Variants in SGCZ observed in about 807,000 individuals in gnomAD.
SGCZ encodes sarcoglycan zeta.
SGCZ carries 40 observed loss-of-function variants against 41.3 expected under a neutral mutation model. The ratio of observed to expected loss-of-function variants is 0.97; its 90% CI spans 0.75 to 1.26. The LOEUF (loss-of-function observed/expected upper bound fraction) is 1.26, where lower values mean the gene tolerates loss of function less well. SGCZ is among the 50% of genes most tolerant of loss of function. SGCZ has a pLI of 0.00. For synonymous variants in SGCZ, 206 were observed against 137.5 expected (o/e 1.50, Z -3.49); for missense variants, 552 against 369.8 (o/e 1.49, Z -4.04).
At chr8:14,201,630 G>A (rs1805458021) in intron 4 of SGCZ, among the ~76,000 whole-genome samples, 1 of 152,082 alleles carries the variant, frequency 6.6e-6, no homozygotes. Flanking sequence ...AAGTGTCAGG[G>A]GAGTGGATGC....
intron 4 of SGCZ, among the ~76,000 whole-genome samples, chr8:14,234,137 A>T (rs1806672785): frequency 6.6e-6 from 1 of 151,996 alleles, no homozygotes; most frequent in Non-Finnish European, 1.5e-5. Flanking sequence ...TGTCAAATTG[A>T]TTTTTCTACC....
At chr8:14,465,458 C>A (rs552035694) in intron 2 of SGCZ, among the ~76,000 whole-genome samples, 2 of 151,532 alleles carry the variant, frequency 1.3e-5, no homozygotes, top group African/African-American at 4.8e-5. Context: ...GAGGGAGTCT[C>A]CTGTACAGTT....
chr8:14,934,908 A>C (rs1800035862), intron 1 of SGCZ, among the ~76,000 whole-genome samples: 1 of 151,510 alleles, frequency 6.6e-6, no homozygotes, highest in East Asian at 1.9e-4. Flanking sequence ...AAATCATTGA[A>C]TAATCTCCCA....
chr8:14,689,371 T>C (rs1358668620), intron 1 of SGCZ, among the ~76,000 whole-genome samples: 2 of 152,162 alleles, frequency 1.3e-5, no homozygotes, highest in Non-Finnish European at 2.9e-5. Context: ...AATACATTGT[T>C]TAATGCAAAT....
chr8:15,194,234 C>T (rs1339978688), intron 1 of SGCZ, among the ~76,000 whole-genome samples: 1 of 150,422 alleles, frequency 6.6e-6, no homozygotes, highest in East Asian at 2.0e-4. Flanking sequence ...CACACCACAA[C>T]CCTCCCTTTG....
intron 1 of SGCZ, among the ~76,000 whole-genome samples, chr8:14,602,202 G>T (rs1330231079): frequency 6.6e-6 from 1 of 152,094 alleles, no homozygotes; most frequent in Non-Finnish European, 1.5e-5. Flanking sequence ...GAGCTTCAGA[G>T]AAAATATTAT....
In SGCZ at chr8:15,175,951, C is replaced by T. The variant is rs115404962; in HGVS notation, c.39+61634G>A. 8.9e-3 allele frequency among the ~76,000 whole-genome samples: 1,361 copies of T among 152,136 alleles called. 21 individuals are homozygous for T. Among genetic ancestry groups the T allele is most frequent in the African/African-American group, 0.029 (1,215 of 41,520 alleles). On this transcript the variant is annotated intron_variant, in intron 1 of 7. Transcript: ENST00000382080. Reference sequence around the variant, plus strand: ...GCTAAATTCAGGGTAAAAATGGAAACGTTGTTTGCAGCTTTCAGACAGCAT... The same window carrying T: ...GCTAAATTCAGGGTAAAAATGGAAATGTTGTTTGCAGCTTTCAGACAGCAT...
chr8:14,200,359 T>C (rs1805414191), intron 4 of SGCZ, among the ~76,000 whole-genome samples: 1 of 152,156 alleles, frequency 6.6e-6, no homozygotes, highest in Admixed American at 6.5e-5. Context: ...GAAAGATGAA[T>C]CTAAATTTGT....
intron 1 of SGCZ, among the ~76,000 whole-genome samples, chr8:15,127,491 G>T (rs981204576): frequency 6.6e-6 from 1 of 151,988 alleles, no homozygotes; most frequent in Non-Finnish European, 1.5e-5. Context: ...TTCATCTTTG[G>T]GAACTGTTAC....
chr8:14,666,304 T>G (rs1807908497), intron 1 of SGCZ, among the ~76,000 whole-genome samples: 1 of 152,128 alleles, frequency 6.6e-6, no homozygotes, highest in Middle Eastern at 3.2e-3. Flanking sequence ...CATTGCTATT[T>G]TCATCAATTA....
chr8:14,931,550 AG>A (rs949095348), intron 1 of SGCZ, among the ~76,000 whole-genome samples: 1 of 152,010 alleles, frequency 6.6e-6, no homozygotes. Flanking sequence ...TGAATTTTTT[AG>A]CAACCTGGCT....
intron 1 of SGCZ, among the ~76,000 whole-genome samples, chr8:14,838,241 T>C (rs78049241): frequency 0.038 from 5,810 of 152,170 alleles, 361 homozygotes; most frequent in African/African-American, 0.13. Flanking sequence ...TAGGGGCTAG[T>C]GTTCAGTAGT....
At chr8:14,620,219 G>A (rs922840704) in intron 1 of SGCZ, among the ~76,000 whole-genome samples, 1 of 152,070 alleles carries the variant, frequency 6.6e-6, no homozygotes, top group African/African-American at 2.4e-5. Context: ...ATGGTGCTGG[G>A]AAAACTGGCT....
In SGCZ at chr8:14,089,591, C is replaced by G. The variant is rs1216789931; in HGVS notation, c.*852G>C. On this transcript the variant is annotated 3_prime_UTR_variant, in exon 8 of 8. Transcript: ENST00000382080. ...AGCATGTGAATTTTTTAAAAATCAT[C>G]TATGGATTTAATACCATCAACATAT... 6.6e-6 allele frequency among the ~76,000 whole-genome samples: 1 copy of G among 151,946 alleles called. No homozygotes were observed. Among genetic ancestry groups the G allele is most frequent in the Non-Finnish European group, 1.5e-5 (1 of 67,956 alleles).
At chr8:15,110,965 A>G (rs1233342856) in intron 1 of SGCZ, among the ~76,000 whole-genome samples, 2 of 152,152 alleles carry the variant, frequency 1.3e-5, no homozygotes, top group Non-Finnish European at 2.9e-5. Context: ...GTGAAACTCC[A>G]TCTCAAAAAG....
At chr8:14,410,760 A>G (rs1799338528) in intron 2 of SGCZ, among the ~76,000 whole-genome samples, 1 of 152,156 alleles carries the variant, frequency 6.6e-6, no homozygotes, top group Non-Finnish European at 1.5e-5. Flanking sequence ...CATGTATCCT[A>G]GAACTTAAAG....
intron 1 of SGCZ, among the ~76,000 whole-genome samples, chr8:14,561,650 T>C (rs1585081460): frequency 1.3e-5 from 2 of 152,138 alleles, no homozygotes; most frequent in Non-Finnish European, 1.5e-5. Context: ...TCTTAGCTAA[T>C]ACTAAGGAAG....
intron 1 of SGCZ, among the ~76,000 whole-genome samples, chr8:14,989,206 C>T (rs1354106789): frequency 6.6e-6 from 1 of 152,152 alleles, no homozygotes; most frequent in Non-Finnish European, 1.5e-5. Flanking sequence ...TATTAGGGAA[C>T]ACATATTCAA....
chr8:14,546,859 T>C (rs962001762), intron 2 of SGCZ, among the ~76,000 whole-genome samples: 1 of 152,192 alleles, frequency 6.6e-6, no homozygotes, highest in South Asian at 2.1e-4. Flanking sequence ...TCTCAGAAAC[T>C]ATACAACCCA....
Sources: allele counts gnomAD v4.1 joint callset (sites outside exome capture counted in the v4.1 genomes callset), GRCh38; gene constraint gnomAD v4.1.1; transcripts MANE v1.5; gene names NCBI Gene and HGNC (gene_info 2026-07-23, HGNC 2026-07-21).